The following PPP3CA variants were observed in gnomAD, a reference collection of about 807,000 sequenced individuals.
PPP3CA encodes the protein CAM-PRP catalytic subunit.
Under a neutral mutation model 66.5 loss-of-function variants are expected in PPP3CA, and 14 were observed. The ratio of observed to expected loss-of-function variants is 0.21; its 90% CI spans 0.14 to 0.33. PPP3CA has a LOEUF of 0.33. Ranked by LOEUF, PPP3CA falls within the 10% of genes least tolerant of loss-of-function variation. The probability of loss-of-function intolerance (pLI) is 1.00; values close to 1 mark genes in which losing one functional copy is unlikely to be tolerated. For synonymous variants in PPP3CA, 232 were observed against 226.2 expected (o/e 1.03, Z -0.23); for missense variants, 317 against 639.5 (o/e 0.50, Z 5.44).
intron 1 of PPP3CA, among the ~76,000 whole-genome samples, chr4:101,237,220 TATC>T (rs35096683): frequency 0.67 from 101,010 of 150,838 alleles, 34,703 homozygotes; most frequent in Middle Eastern, 0.76. Flanking sequence ...CAGCAGAAAA[TATC>T]ATAGCTGCAA....
intron 1 of PPP3CA, among the ~76,000 whole-genome samples, chr4:101,300,190 A>C (rs2110298231): frequency 6.6e-6 from 1 of 152,350 alleles, no homozygotes; most frequent in East Asian, 1.9e-4. Flanking sequence ...AATTAGCTTC[A>C]CTTAACAGAT....
intron 1 of PPP3CA, among the ~76,000 whole-genome samples, chr4:101,305,737 C>A (rs1728514160): frequency 6.6e-6 from 1 of 152,150 alleles, no homozygotes; most frequent in Non-Finnish European, 1.5e-5. Flanking sequence ...TTGTCACAAT[C>A]TTCCTATTTC....
chr4:101,027,027 G>A (rs771617062), intron 13 of PPP3CA, among the ~76,000 whole-genome samples: 16 of 152,106 alleles, frequency 1.1e-4, no homozygotes, highest in African/African-American at 2.2e-4. Flanking sequence ...GTGCTACAGC[G>A]ATAGGTAAGG....
chr4:101,229,697 G>A (rs1441975499), intron 1 of PPP3CA, among the ~76,000 whole-genome samples: 2 of 151,526 alleles, frequency 1.3e-5, no homozygotes, highest in East Asian at 1.9e-4. Context: ...TAACCCTTGG[G>A]CCAAATGTTG....
chr4:101,274,076 C>T (rs1727415782), intron 1 of PPP3CA, among the ~76,000 whole-genome samples: 1 of 152,138 alleles, frequency 6.6e-6, no homozygotes, highest in African/African-American at 2.4e-5. Context: ...GAGGCCAAGG[C>T]GGGTGATCAC....
intron 9 of PPP3CA, among the ~76,000 whole-genome samples, chr4:101,063,030 T>C (rs1418713416): frequency 1.3e-5 from 2 of 151,884 alleles, no homozygotes; most frequent in Admixed American, 1.3e-4. Context: ...TTGTTTTTTT[T>C]TTTGCTTCCC....
intron 2 of PPP3CA, among the ~76,000 whole-genome samples, chr4:101,177,813 T>C (rs886086603): frequency 6.0e-5 from 9 of 150,488 alleles, no homozygotes; most frequent in African/African-American, 2.0e-4. Flanking sequence ...TTACCAGGAA[T>C]GACTGTTGAA....
chr4:101,099,337 C>T (rs1216916680), intron 4 of PPP3CA, among the ~76,000 whole-genome samples: 1 of 152,084 alleles, frequency 6.6e-6, no homozygotes, highest in African/African-American at 2.4e-5. Context: ...TTGTTCCAAA[C>T]AGTAGCATCC....
At chr4:101,240,030 GTT>G (rs66937517) in intron 1 of PPP3CA, among the ~76,000 whole-genome samples, 3 of 133,060 alleles carry the variant, frequency 2.3e-5, no homozygotes, top group East Asian at 2.2e-4. Flanking sequence ...AATTTTTTTG[GTT>G]TTTTTTTGGG....
At chr4:101,229,422 A>T (rs1725887651) in intron 1 of PPP3CA, among the ~76,000 whole-genome samples, 1 of 151,710 alleles carries the variant, frequency 6.6e-6, no homozygotes, top group Non-Finnish European at 1.5e-5. Context: ...AATATTCTTC[A>T]GAATTTAATT....
At chr4:101,222,984 A>G (rs1001377087) in intron 1 of PPP3CA, among the ~76,000 whole-genome samples, 14 of 151,746 alleles carry the variant, frequency 9.2e-5, no homozygotes, top group African/African-American at 3.4e-4. Context: ...ACATTTGGGT[A>G]TCTCTGACAG....
At position 101,025,955 on chromosome 4, in the gene PPP3CA, A is replaced by G; in HGVS notation, c.1476T>C (p.Ser492=). 1 of 1,613,826 alleles carries G rather than the reference A, an allele frequency of 6.2e-7. No individual in the cohort carries two copies. The highest frequency in any genetic ancestry group is 8.5e-7 in the Non-Finnish European group (1 of 1,179,902). The change falls in exon 14 of 14, where the codon TCT becomes TCC. Residue 492 remains serine, a synonymous_variant. Coordinates refer to ENST00000394854, the MANE Select transcript of PPP3CA (RefSeq NM_000944.5). ...TGTTGATGGAGTTAAGGTTGGCGTC[A>G]GAGGGCATGGCATCTCTGCGAGGCG... ...RMPPRRDAMP[S]DANLNSINKA...
intron 8 of PPP3CA, among the ~76,000 whole-genome samples, chr4:101,071,965 G>A (rs1015904584): frequency 2.0e-4 from 30 of 152,160 alleles, no homozygotes; most frequent in African/African-American, 6.8e-4. Context: ...TAATGGGATA[G>A]TTTATATTCT....
chr4:101,126,287 A>G (rs1722244359), intron 2 of PPP3CA, among the ~76,000 whole-genome samples: 1 of 152,184 alleles, frequency 6.6e-6, no homozygotes, highest in Admixed American at 6.5e-5. Flanking sequence ...ACAAAGATCA[A>G]GTGTTAAAAA....
intron 12 of PPP3CA, among the ~76,000 whole-genome samples, chr4:101,030,200 T>C (rs893578977): frequency 1.1e-4 from 16 of 152,150 alleles, no homozygotes; most frequent in Non-Finnish European, 2.4e-4. Flanking sequence ...AATGCAAAAC[T>C]TCTCTGTAAC....
intron 1 of PPP3CA, among the ~76,000 whole-genome samples, chr4:101,277,002 TTAGG>T (rs1376786625): frequency 9.2e-5 from 2 of 21,702 alleles, no homozygotes; most frequent in South Asian, 9.9e-4. Flanking sequence ...TTTCAAAATA[TTAGG>T]ACCTGATATT....
At chr4:101,034,522 C>T (rs1727154591) in intron 11 of PPP3CA, among the ~76,000 whole-genome samples, 2 of 150,304 alleles carry the variant, frequency 1.3e-5, no homozygotes, top group African/African-American at 4.9e-5. Context: ...GCTAGACAAG[C>T]CTCATGAGAG....
intron 2 of PPP3CA, among the ~76,000 whole-genome samples, chr4:101,176,023 T>C (rs1222226139): frequency 6.6e-6 from 1 of 152,098 alleles, no homozygotes; most frequent in African/African-American, 2.4e-5. Context: ...TGAGGGAAAC[T>C]TTCCCAGCAG....
intron 1 of PPP3CA, among the ~76,000 whole-genome samples, chr4:101,295,307 C>CAA (rs527366396): frequency 4.3e-3 from 176 of 41,186 alleles, no homozygotes; most frequent in Middle Eastern, 0.01. Flanking sequence ...GACTCCGTCT[C>CAA]AAAAAAAAAA....
Sources: gnomAD v4.1 joint callset for allele counts (sites outside exome capture counted in the v4.1 genomes callset) on GRCh38, gnomAD v4.1.1 for gene constraint, MANE v1.5 for transcripts, NCBI Gene and HGNC (gene_info 2026-07-23, HGNC 2026-07-21) for gene names.